Variants in PEX3 observed in about 807,000 individuals in gnomAD.
The protein encoded by PEX3 is peroxin-3.
Under a neutral mutation model 55.8 loss-of-function variants are expected in PEX3, and 30 were observed. That is an observed-to-expected ratio of 0.54 (90% CI 0.40 to 0.73). The LOEUF is 0.73. Ranked by LOEUF, PEX3 falls within the 30% of genes least tolerant of loss-of-function variation. PEX3 has a pLI of 0.00. For synonymous variants in PEX3, 135 were observed against 148.4 expected, an observed-to-expected ratio of 0.91 and a Z score of 0.66; for missense variants, 351 against 432.8, an observed-to-expected ratio of 0.81 and a Z score of 1.68.
intron 10 of PEX3, 158 bp from the exon 11 acceptor site, chr6:143,484,994 A>T (rs1780294712): frequency 1.6e-6 from 1 of 617,762 alleles, no homozygotes; most frequent in Non-Finnish European, 2.9e-6. Context: ...TGTCAATTAG[A>T]GTTGTTATTT....
At chr6:143,484,952 T>C (rs934872991) in intron 10 of PEX3, 200 bp from the exon 11 acceptor site, 1 of 551,710 alleles carries the variant, frequency 1.8e-6, no homozygotes, top group Non-Finnish European at 3.2e-6. Context: ...CAAAGATATG[T>C]GTAAAAAAAC....
At chr6:143,467,527 T>C (rs1780008999) in intron 3 of PEX3, among the ~76,000 whole-genome samples, 1 of 152,106 alleles carries the variant, frequency 6.6e-6, no homozygotes, top group Admixed American at 6.5e-5. Context: ...ATTGGTGATA[T>C]CAAGTCTGCA....
chr6:143,471,117 C>A lies in PEX3; in HGVS notation c.456+32C>A. 1 of 1,602,924 alleles carries A rather than the reference C, an allele frequency of 6.2e-7. No homozygotes were observed. The highest frequency in any genetic ancestry group is 8.5e-7 in the Non-Finnish European group (1 of 1,170,332). ...TTAATAGACTTAAATAGACATTGTT[C>A]TTTCCCTCAGGAGGTTCAAAGTTTA... On this transcript the variant is annotated intron_variant, in intron 5 of 11. Transcript: ENST00000367591. This position sits in a 1 kb window ranked among gnomAD's most constrained non-coding sequence, Gnocchi z 5.4.
At chr6:143,481,159 T>C (rs1479616174) in intron 10 of PEX3, among the ~76,000 whole-genome samples, 1 of 148,476 alleles carries the variant, frequency 6.7e-6, no homozygotes, top group Non-Finnish European at 1.5e-5. Context: ...TATATATATA[T>C]ATATATATAT....
In PEX3 at chr6:143,471,019, G is replaced by A; in HGVS notation, c.390G>A (p.Arg130=). 6.2e-7 allele frequency: 1 copy of A among 1,612,774 alleles called. No homozygotes were observed. The highest frequency in any genetic ancestry group is 8.5e-7 in the Non-Finnish European group (1 of 1,178,924). Residue 130 remains arginine (R), a synonymous_variant, in exon 5 of 12, where the codon CGG becomes CGA. Transcript: ENST00000367591. This position sits in a 1 kb window ranked among gnomAD's most constrained non-coding sequence, Gnocchi z 5.4. ...CCTGTATGCTGGTTGTTCTTTTGCG[G>A]GTCCAGTTAAACATAATTGGTGGAT... ...YSTCMLVVLL[R]VQLNIIGGYI... is the part of the protein sequence containing the mutation.
rs1779890770 is a variant in PEX3, at chr6:143,459,494, A to G, written c.205+278A>G. Among the ~76,000 whole-genome samples, 1 of 152,254 alleles carries G rather than the reference A, an allele frequency of 6.6e-6. No homozygotes were observed. Among genetic ancestry groups the G allele is most frequent in the Non-Finnish European group, 1.5e-5 (1 of 68,036 alleles). ...CCCTGACCTTTGGAGTTTATATTCT[A>G]GGGAGAGGAAAAGATGATAAACAAC... On this transcript the variant is annotated intron_variant, in intron 2 of 11. Coordinates refer to ENST00000367591, the MANE Select transcript of PEX3 (RefSeq NM_003630.3). This position sits in a 1 kb window ranked among gnomAD's most constrained non-coding sequence, Gnocchi z 4.2.
intron 10 of PEX3, among the ~76,000 whole-genome samples, chr6:143,484,115 T>G (rs963180984): frequency 2.0e-5 from 3 of 152,276 alleles, no homozygotes; most frequent in South Asian, 2.1e-4. Context: ...TAGGTTGAAA[T>G]GTATGAGATG....
chr6:143,485,243 G>T lies in PEX3; in HGVS notation c.1033G>T (p.Val345Phe). The change falls in exon 11 of 12, where the codon GTT becomes TTT. Residue 345 changes from valine (V) to phenylalanine (F), a missense_variant. Coordinates refer to ENST00000367591, the MANE Select transcript of PEX3 (RefSeq NM_003630.3). This position sits in a 1 kb window ranked among gnomAD's most constrained non-coding sequence, Gnocchi z 5.6. The stretch of plus-strand genomic sequence containing the variant: ...TTGCAGTGAAACACCTAGTCATTTT[G>T]TTCAGGTAAGAAGAAAGCTTGGGAG... ...SVCSETPSHFVQDLLTMEQVK... is the reference protein window; with the variant it reads ...SVCSETPSHFFQDLLTMEQVK... The T allele has an allele frequency of 6.5e-7, 1 of 1,544,864 alleles. No individual in the cohort carries two copies. The highest frequency in any genetic ancestry group is 9.0e-7 in the Non-Finnish European group (1 of 1,117,228).
Position 143,464,662 on chromosome 6 carries a change from ACTT to A in PEX3, c.287+1672_287+1674del, listed in dbSNP as rs1358295121. 2.0e-5 allele frequency among the ~76,000 whole-genome samples: 3 copies of A among 151,932 alleles called. No individual in the cohort carries two copies. The highest frequency in any genetic ancestry group is 4.8e-5 in the African/African-American group (2 of 41,498). ...TTTCCTCTTTAAATATCTCAATGTT[ACTT>A]CTTCTTGGCTTTCTTTTGATTTGAA... On this transcript the variant is annotated intron_variant, in intron 3 of 11. Coordinates refer to ENST00000367591, the MANE Select transcript of PEX3 (RefSeq NM_003630.3). The surrounding 1 kb of genome is among the most constrained non-coding windows in gnomAD (Gnocchi z 5.8).
At position 143,489,373 on chromosome 6, in the gene PEX3, A is replaced by G; in HGVS notation, c.*147A>G. On this transcript the variant is annotated 3_prime_UTR_variant, in exon 12 of 12. Transcript: ENST00000367591. The surrounding 1 kb of genome is among the most constrained non-coding windows in gnomAD (Gnocchi z 5.5). ...AAGTCTTCATTTCATAATGAAATCAATTTATTTGGCATCTTAATATATTTT... is the reference window on the plus strand; with the variant it reads ...AAGTCTTCATTTCATAATGAAATCAGTTTATTTGGCATCTTAATATATTTT... The G allele has an allele frequency of 1.6e-6, 1 of 610,036 alleles. No homozygotes were observed. The highest frequency in any genetic ancestry group is 1.9e-5 in the South Asian group (1 of 54,016). 37.8% of individuals were successfully genotyped at this position (610,036 alleles called of 1,614,324 possible).
At position 143,471,578 on chromosome 6, in the gene PEX3, T is replaced by C; in HGVS notation, c.545T>C (p.Val182Ala). Residue 182 changes from valine (V) to alanine (A), a missense_variant, in exon 7 of 12, where the codon GTC (valine) becomes GCC (alanine). Physicochemically the swap from Val to Ala is moderately conservative, Grantham distance 64. Transcript: ENST00000367591. The surrounding 1 kb of genome is among the most constrained non-coding windows in gnomAD (Gnocchi z 5.4). ...LGDGLTELIT[V>A]IKQAVQKVLG... is the part of the protein sequence containing the mutation. ...ATAGGCCTGACAGAATTGATCACTG[T>C]CATTAAACAAGCTGTGCAGAAGGTT... 1.2e-6 allele frequency: 2 copies of C among 1,612,816 alleles called. No individual in the cohort carries two copies. The highest frequency in any genetic ancestry group is 8.5e-7 in the Non-Finnish European group (1 of 1,179,058).
Position 143,453,087 on chromosome 6 carries a change from C to T in PEX3, c.73+1972C>T, listed in dbSNP as rs1469107753. Among the ~76,000 whole-genome samples the T allele has an allele frequency of 6.6e-6, 1 of 152,232 alleles. No homozygotes were observed. Among genetic ancestry groups the T allele is most frequent in the Middle Eastern group, 3.4e-3 (1 of 294 alleles). ...ATTCAAACCCAGGTGTGTTGGACCA[C>T]AAAGCACATTCTATTTCCATATTAT... On this transcript the variant is annotated intron_variant, in intron 1 of 11. Transcript: ENST00000367591. This position sits in a 1 kb window ranked among gnomAD's most constrained non-coding sequence, Gnocchi z 4.6.
chr6:143,462,829 A>G lies in PEX3; in HGVS notation c.206-87A>G. 1.0e-6 allele frequency: 1 copy of G among 956,094 alleles called. No homozygotes were observed. The highest frequency in any genetic ancestry group is 1.7e-6 in the Non-Finnish European group (1 of 581,906). 59.2% of individuals were successfully genotyped at this position (956,094 alleles called of 1,614,324 possible). A position where few individuals can be genotyped will look rare whatever the true frequency, so the allele number is the denominator to read the frequency against. ...CTGACTCTTGCTAGTTGCTAGCCCT[A>G]TCATATAGCCTAAAACAATGCGCAT... On this transcript the variant is annotated intron_variant, in intron 2 of 11. Transcript: ENST00000367591. The surrounding 1 kb of genome is among the most constrained non-coding windows in gnomAD (Gnocchi z 4.1).
chr6:143,476,738 T>G lies in PEX3; in HGVS notation c.818+1882T>G, dbSNP rs533573129. On this transcript the variant is annotated intron_variant, in intron 9 of 11. Transcript: ENST00000367591. This position sits in a 1 kb window ranked among gnomAD's most constrained non-coding sequence, Gnocchi z 5.4. ...TTACATTTTGGCAGTGTTAAGCATA[T>G]CCAAGTGGATATGCCTATTGGCAAT... Among the ~76,000 whole-genome samples, 1 of 152,300 alleles carries G rather than the reference T, an allele frequency of 6.6e-6. No individual in the cohort carries two copies. Among genetic ancestry groups the G allele is most frequent in the Admixed American group, 6.5e-5 (1 of 15,306 alleles).
intron 4 of PEX3, among the ~76,000 whole-genome samples, chr6:143,470,405 C>G (rs1340420665): frequency 6.6e-6 from 1 of 152,222 alleles, no homozygotes; most frequent in African/African-American, 2.4e-5. Context: ...TTCTGTGTTA[C>G]CAGATCTGCT....
chr6:143,454,345 G>T lies in PEX3; in HGVS notation c.73+3230G>T, dbSNP rs746159454. On this transcript the variant is annotated intron_variant, in intron 1 of 11. Coordinates refer to ENST00000367591, the MANE Select transcript of PEX3 (RefSeq NM_003630.3). This position sits in a 1 kb window ranked among gnomAD's most constrained non-coding sequence, Gnocchi z 4.3. ...TGAAATGGTCTTAAAGACCCCAGGG[G>T]TGCCCATGCCACACTTTGAGAACCA... 5.2e-4 allele frequency among the ~76,000 whole-genome samples: 79 copies of T among 152,184 alleles called. No individual in the cohort carries two copies. Among genetic ancestry groups the T allele is most frequent in the Admixed American group, 1.2e-3 (19 of 15,268 alleles).
At chr6:143,470,462 A>G (rs1443419097) in intron 4 of PEX3, among the ~76,000 whole-genome samples, 3 of 151,206 alleles carry the variant, frequency 2.0e-5, no homozygotes, top group Non-Finnish European at 4.4e-5. Flanking sequence ...CAACACCTTC[A>G]CTCTCTCCTC....
intron 9 of PEX3, among the ~76,000 whole-genome samples, chr6:143,478,130 G>T (rs1029029386): frequency 6.6e-6 from 1 of 152,074 alleles, no homozygotes; most frequent in Non-Finnish European, 1.5e-5. Context: ...CAGCATAGAA[G>T]AACCTTCAAA....
rs1489050506 is a variant in PEX3, at chr6:143,490,090, C to G, written c.*864C>G. 4 of 152,050 alleles carry G rather than the reference C, an allele frequency of 2.6e-5. No homozygotes were observed. The highest frequency in any genetic ancestry group is 9.7e-5 in the African/African-American group (4 of 41,396). 9.4% of individuals were successfully genotyped at this position (152,050 alleles called of 1,614,324 possible). A position where few individuals can be genotyped will look rare whatever the true frequency, so the allele number is the denominator to read the frequency against. On this transcript the variant is annotated 3_prime_UTR_variant, in exon 12 of 12. Coordinates refer to ENST00000367591, the MANE Select transcript of PEX3 (RefSeq NM_003630.3). The surrounding 1 kb of genome is among the most constrained non-coding windows in gnomAD (Gnocchi z 6.0). The stretch of plus-strand genomic sequence containing the variant: ...TTTGTTATTATTTCGGAAGAGAGAG[C>G]ATGCTAGTTTAAGTTTCATTTTAAT...
Sources: gnomAD v4.1 joint callset for allele counts (sites outside exome capture counted in the v4.1 genomes callset) on GRCh38, gnomAD v4.1.1 for gene constraint, Gnocchi (gnomAD v3.1) non-coding constraint, MANE v1.5 for transcripts, NCBI Gene and HGNC (gene_info 2026-07-23, HGNC 2026-07-21) for gene names.